The following MBNL2 variants were observed in gnomAD, a reference collection of about 807,000 sequenced individuals.
The protein encoded by MBNL2 is muscleblind-like protein 2.
In MBNL2, 17 loss-of-function variants were observed where a neutral mutation model predicts 41.9. That is an observed-to-expected ratio of 0.41 (90% confidence interval 0.28 to 0.61). The LOEUF is 0.61. MBNL2 is among the 20% of genes least tolerant of loss of function. MBNL2 has a pLI of 0.35. For synonymous variants in MBNL2, 195 were observed against 182.9 expected (o/e 1.07, Z -0.53); for missense variants, 336 against 505.6 (o/e 0.66, Z 3.22).
At chr13:97,309,209 G>A (rs959584074) in intron 2 of MBNL2, among the ~76,000 whole-genome samples, 2 of 152,176 alleles carry the variant, frequency 1.3e-5, no homozygotes, top group African/African-American at 2.4e-5. Flanking sequence ...TTTGGTAAGT[G>A]GGGACAATGG....
chr13:97,343,964 G>A (rs1317799880), intron 4 of MBNL2, among the ~76,000 whole-genome samples: 4 of 152,044 alleles, frequency 2.6e-5, no homozygotes, highest in Non-Finnish European at 5.9e-5. Context: ...GCGCCACCAC[G>A]CCTGGCCAAT....
chr13:97,347,452 G>A (rs2061989746), intron 5 of MBNL2, among the ~76,000 whole-genome samples: 1 of 152,198 alleles, frequency 6.6e-6, no homozygotes, highest in Non-Finnish European at 1.5e-5. Context: ...ACCTGAGCAC[G>A]AGGAGGCACC....
At chr13:97,155,394 A>ATTTTTTTTTTTTTTTTTTTTTT in the MBNL2 span, among the ~76,000 whole-genome samples, 1 of 115,300 alleles carries the variant, frequency 8.7e-6, no homozygotes. Context: ...TTTTTTTTTT[A>ATTTTTTTTTTTTTTTTTTTTTT]TTTTTTTTTT....
chr13:97,330,935 G>T (rs184786777), intron 2 of MBNL2, among the ~76,000 whole-genome samples: 61 of 152,266 alleles, frequency 4.0e-4, no homozygotes, highest in African/African-American at 1.4e-3. Flanking sequence ...ATACTAGATT[G>T]TACTAGGGTT....
rs756884812 is a variant in MBNL2 at position 97,347,031 on chromosome 13, G to A, written c.768G>A (p.Val256=). 10 of 1,611,322 alleles carry A rather than the reference G, an allele frequency of 6.2e-6. No individual in the cohort carries two copies. The highest frequency in any genetic ancestry group is 1.7e-4 in the Middle Eastern group (1 of 5,770). Residue 256 remains valine, a synonymous_variant, in exon 5 of 9, where the codon GTG becomes GTA. Coordinates refer to ENST00000679496, the MANE Select transcript of MBNL2 (RefSeq NM_001382683.1). ...AGCACCAAGCCAACCAAGCTGCGGT[G>A]GCCGCCCAGGCAGCCGCGGCCGCGG... ...AAQHQANQAA[V]AAQAAAAAAT...
intron 8 of MBNL2, among the ~76,000 whole-genome samples, chr13:97,374,249 G>A (rs1333648865): frequency 1.3e-5 from 2 of 151,388 alleles, no homozygotes; most frequent in African/African-American, 4.8e-5. Flanking sequence ...CCGGGTTCAC[G>A]CCATTCTCCT....
intron 3 of MBNL2, among the ~76,000 whole-genome samples, chr13:97,342,289 C>G (rs1391306671): frequency 1.3e-5 from 2 of 152,128 alleles, no homozygotes; most frequent in Non-Finnish European, 2.9e-5. Flanking sequence ...TAATAAGATT[C>G]TGTATGCTCT....
intron 8 of MBNL2, 23 bp from the exon 9 acceptor site, chr13:97,391,299 A>G: frequency 9.8e-7 from 1 of 1,023,962 alleles, no homozygotes; most frequent in East Asian, 2.4e-5. Flanking sequence ...TACCTAAATC[A>G]TGCTTGTCTT....
intron 1 of MBNL2, among the ~76,000 whole-genome samples, chr13:97,233,009 T>G (rs1203566541): frequency 6.7e-6 from 1 of 150,268 alleles, no homozygotes; most frequent in East Asian, 1.9e-4. Flanking sequence ...AAGTGAAATG[T>G]TTGTGCTGTT....
Position 97,275,190 on chromosome 13 carries a change from A to C in MBNL2, c.-604-442A>C, listed in dbSNP as rs2051941097. Among the ~76,000 whole-genome samples the C allele has an allele frequency of 2.6e-5, 4 of 152,326 alleles. No individual in the cohort carries two copies. The South Asian group carries it at 8.3e-4, about 32-fold the overall frequency. ...TCTCTGTAAACTAGGAAGAACATAA[A>C]GAAGAAAGAGCCCACACTTCATTCA... is the stretch of plus-strand genomic sequence containing the variant. On this transcript the variant is annotated intron_variant, in intron 1 of 8. Coordinates refer to ENST00000679496, the MANE Select transcript of MBNL2 (RefSeq NM_001382683.1).
chr13:97,236,334 A>G (rs2043265610), intron 1 of MBNL2, among the ~76,000 whole-genome samples: 1 of 152,152 alleles, frequency 6.6e-6, no homozygotes. Flanking sequence ...TTAATTTAAA[A>G]TACAGCCAGC....
chr13:97,366,778 C>T lies in MBNL2; in HGVS notation c.1048+1607C>T, dbSNP rs1467907565. The T allele has an allele frequency of 1.7e-5, 10 of 605,520 alleles. No individual in the cohort carries two copies. The highest frequency in any genetic ancestry group is 4.4e-4 in the Middle Eastern group (1 of 2,264). 37.5% of individuals were successfully genotyped at this position (605,520 alleles called of 1,614,324 possible). A position where few individuals can be genotyped will look rare whatever the true frequency, so the allele number is the denominator to read the frequency against. ...TGTTTTGTGTTGCACTGTTTGTTTT[C>T]GTACCTAATATTGTGTAATTAACCT... On this transcript the variant is annotated intron_variant, in intron 8 of 8. Transcript: ENST00000679496. The surrounding 1 kb of genome is among the most constrained non-coding windows in gnomAD (Gnocchi z 4.7).
At chr13:97,388,314 C>CATATAT (rs34389348) in intron 8 of MBNL2, among the ~76,000 whole-genome samples, 1,930 of 139,650 alleles carry the variant, frequency 0.014, 23 homozygotes, top group Middle Eastern at 0.036. Flanking sequence ...TACATACATA[C>CATATAT]ATATATATAT....
At chr13:97,204,554 C>T in the MBNL2 span, among the ~76,000 whole-genome samples, 6 of 152,054 alleles carry the variant, frequency 3.9e-5, no homozygotes, top group East Asian at 1.2e-3. Flanking sequence ...TTTTGTGAAG[C>T]ATTTATTTGC....
At chr13:97,162,935 G>T in the MBNL2 span, among the ~76,000 whole-genome samples, 1 of 152,292 alleles carries the variant, frequency 6.6e-6, no homozygotes, top group East Asian at 1.9e-4. Flanking sequence ...AAGGTCGTGA[G>T]AATCTTGTTT....
intron 2 of MBNL2, among the ~76,000 whole-genome samples, chr13:97,281,358 T>G (rs1360643567): frequency 6.6e-6 from 1 of 152,224 alleles, no homozygotes; most frequent in Non-Finnish European, 1.5e-5. Flanking sequence ...CAGGGAGTTC[T>G]GTGTAGGAAT....
upstream of MBNL2, among the ~76,000 whole-genome samples, chr13:97,219,757 G>A (rs2040701807): frequency 3.3e-5 from 5 of 152,216 alleles, no homozygotes; most frequent in Admixed American, 3.3e-4. Flanking sequence ...TCAGTCCACA[G>A]CAAAGGTTTT....
chr13:97,212,310 T>A, the MBNL2 span, among the ~76,000 whole-genome samples: 1 of 152,032 alleles, frequency 6.6e-6, no homozygotes, highest in South Asian at 2.1e-4. Context: ...GGAAACACAC[T>A]CCCTCACCCC....
intron 1 of MBNL2, among the ~76,000 whole-genome samples, chr13:97,244,127 A>C (rs1242106954): frequency 6.6e-6 from 1 of 152,218 alleles, no homozygotes; most frequent in Non-Finnish European, 1.5e-5. Flanking sequence ...TCACAGTTTA[A>C]AGGCTAACTT....
Sources: allele counts gnomAD v4.1 joint callset (sites outside exome capture counted in the v4.1 genomes callset), GRCh38; gene constraint gnomAD v4.1.1; non-coding constraint Gnocchi (gnomAD v3.1); transcripts MANE v1.5; gene names NCBI Gene and HGNC (gene_info 2026-07-23, HGNC 2026-07-21).